The following SATL1 variants were observed in gnomAD, a reference collection of about 807,000 sequenced individuals.
SATL1 encodes spermidine/spermine N1-acetyl transferase like 1.
SATL1 carries 47 observed loss-of-function variants against 51.8 expected under a neutral mutation model. The ratio of observed to expected loss-of-function variants is 0.91; its 90% CI spans 0.72 to 1.16. The LOEUF (loss-of-function observed/expected upper bound fraction) is 1.16, where lower values mean the gene tolerates loss of function less well. Among genes scored for constraint, SATL1 ranks in the 50% most tolerant of loss-of-function variants. SATL1 has a pLI of 0.00. For missense variants in SATL1, 520 were observed against 526.4 expected (o/e 0.99, Z 0.12); for synonymous variants, 176 against 182.4 (o/e 0.97, Z 0.28).
Position 85,132,999 on chromosome X carries a change from A to C in SATL1, c.-312-23719T>G, listed in dbSNP as rs371666778. Among the ~76,000 whole-genome samples the C allele has an allele frequency of 9.9e-5, 11 of 111,613 alleles. No individual in the cohort carries two copies. In the East Asian group the frequency reaches 2.0e-3, roughly 20 times the overall value. On this transcript the variant is annotated intron_variant, in intron 2 of 7. Coordinates refer to ENST00000644105, the MANE Select transcript of SATL1 (RefSeq NM_001367857.2). The stretch of plus-strand genomic sequence containing the variant: ...ACCAGCAGAGGCTGCAGAACAGCAA[A>C]TATTGCTGCCTGATCCTTCCTCTGG...
intron 1 of SATL1, among the ~76,000 whole-genome samples, chrX:85,230,349 G>C (rs1404252148): frequency 9.0e-6 from 1 of 111,555 alleles, no homozygotes; most frequent in Non-Finnish European, 1.9e-5. Flanking sequence ...AAGAAGTGTT[G>C]GGAAAACTAG....
chrX:85,204,850 A>G (rs1927761683), intron 2 of SATL1, among the ~76,000 whole-genome samples: 1 of 112,193 alleles, frequency 8.9e-6, no homozygotes, highest in Admixed American at 9.4e-5. Context: ...CTTCAAACAA[A>G]AAAAGTAATC....
chrX:85,231,858 C>A (rs893584247), intron 1 of SATL1, among the ~76,000 whole-genome samples: 4 of 110,591 alleles, frequency 3.6e-5, no homozygotes, highest in Admixed American at 9.7e-5. Context: ...CAGTCTAGGT[C>A]ATAAGGACTG....
chrX:85,173,442 A>G (rs1038852326), intron 2 of SATL1, among the ~76,000 whole-genome samples: 19 of 111,044 alleles, frequency 1.7e-4, no homozygotes, highest in African/African-American at 6.2e-4. Flanking sequence ...ATTTTTCTTT[A>G]TGGGTGAGAC....
intron 2 of SATL1, among the ~76,000 whole-genome samples, chrX:85,222,116 G>A (rs1928189781): frequency 8.9e-6 from 1 of 111,837 alleles, no homozygotes; most frequent in Non-Finnish European, 1.9e-5. Flanking sequence ...TAGCACAGTG[G>A]TTAACAGCTT....
chrX:85,184,692 T>C (rs2147741698), intron 2 of SATL1, among the ~76,000 whole-genome samples: 1 of 112,167 alleles, frequency 8.9e-6, no homozygotes, highest in African/African-American at 3.2e-5. Context: ...TTTCGATCAC[T>C]TTGTTCATCT....
intron 1 of SATL1, among the ~76,000 whole-genome samples, chrX:85,233,149 C>T: frequency 8.9e-6 from 1 of 111,815 alleles, no homozygotes; most frequent in Non-Finnish European, 1.9e-5. Context: ...AAAAGAGTCT[C>T]TGCTGGTAAT....
intron 2 of SATL1, among the ~76,000 whole-genome samples, chrX:85,218,335 T>A (rs774653659): frequency 8.1e-4 from 91 of 111,771 alleles, no homozygotes; most frequent in African/African-American, 3.0e-3. Context: ...GCCTACAGAT[T>A]CATACTTTCT....
At chrX:85,172,233 G>A (rs1180124015) in intron 2 of SATL1, among the ~76,000 whole-genome samples, 1 of 111,522 alleles carries the variant, frequency 9.0e-6, no homozygotes, top group African/African-American at 3.2e-5. Context: ...TGTGGGGAAT[G>A]TCTGTAAAGT....
chrX:85,097,573 C>T (rs1924766243), intron 4 of SATL1, among the ~76,000 whole-genome samples: 1 of 111,552 alleles, frequency 9.0e-6, no homozygotes, highest in African/African-American at 3.3e-5. Context: ...AACTCCTGGC[C>T]TCAAGTGATC....
At chrX:85,218,628 T>C (rs967897042) in intron 2 of SATL1, among the ~76,000 whole-genome samples, 1 of 111,961 alleles carries the variant, frequency 8.9e-6, no homozygotes, top group Non-Finnish European at 1.9e-5. Context: ...AAAAGACAAA[T>C]GGAATATTTC....
chrX:85,128,974 T>C (rs1408073590), intron 2 of SATL1, among the ~76,000 whole-genome samples: 2 of 111,631 alleles, frequency 1.8e-5, no homozygotes, highest in African/African-American at 6.5e-5. Context: ...TGGTGTTATT[T>C]CTGAGGGCTC....
At chrX:85,096,755 C>G (rs1289892838) in intron 4 of SATL1, among the ~76,000 whole-genome samples, 1 of 109,150 alleles carries the variant, frequency 9.2e-6, no homozygotes, top group Non-Finnish European at 1.9e-5. Flanking sequence ...GTCTGGGGGG[C>G]AGGGGGAGCA....
intron 1 of SATL1, among the ~76,000 whole-genome samples, chrX:85,238,913 G>A (rs1460077555): frequency 9.0e-6 from 1 of 110,515 alleles, no homozygotes; most frequent in Non-Finnish European, 1.9e-5. Flanking sequence ...GAATGAAAGA[G>A]TAAAGTGGTG....
chrX:85,183,528 T>G (rs1225746681), intron 2 of SATL1, among the ~76,000 whole-genome samples: 1 of 111,700 alleles, frequency 9.0e-6, no homozygotes, highest in Non-Finnish European at 1.9e-5. Flanking sequence ...CTGTTCTTTT[T>G]GCTCAGAACT....
intron 2 of SATL1, among the ~76,000 whole-genome samples, chrX:85,143,248 A>G (rs994044929): frequency 1.8e-5 from 2 of 112,019 alleles, no homozygotes; most frequent in African/African-American, 6.5e-5. Flanking sequence ...TGGGGATCTG[A>G]CAAGTGTACA....
intron 1 of SATL1, among the ~76,000 whole-genome samples, chrX:85,241,870 A>G (rs147314019): frequency 2.8e-4 from 31 of 112,190 alleles, no homozygotes; most frequent in Non-Finnish European, 4.5e-4. Context: ...GAGGGCCTCA[A>G]CTGAAGTGAA....
At chrX:85,212,863 A>G (rs984174177) in intron 2 of SATL1, 1 of 111,069 alleles carries the variant, frequency 9.0e-6, no homozygotes, top group African/African-American at 3.3e-5. Context: ...TTATCAACGT[A>G]ATAATTCAAG....
At chrX:85,190,972 T>A (rs1262435231) in intron 2 of SATL1, among the ~76,000 whole-genome samples, 1 of 63,674 alleles carries the variant, frequency 1.6e-5, no homozygotes, top group Non-Finnish European at 2.9e-5. Context: ...CCTGTCGTGG[T>A]GTAGGGGGAG....
Sources: gnomAD v4.1 joint callset for allele counts (sites outside exome capture counted in the v4.1 genomes callset) on GRCh38, gnomAD v4.1.1 for gene constraint, MANE v1.5 for transcripts, NCBI Gene and HGNC (gene_info 2026-07-23, HGNC 2026-07-21) for gene names.